The following CSMD1 variants were observed in gnomAD, a reference collection of about 807,000 sequenced individuals.
The protein encoded by CSMD1 is CUB and sushi domain-containing protein 1.
A neutral mutation model predicts 417.5 loss-of-function variants in CSMD1; 213 were observed. The ratio of observed to expected loss-of-function variants is 0.51; its 90% confidence interval spans 0.46 to 0.57. The LOEUF is 0.57. CSMD1 is among the 20% of genes least tolerant of loss of function. The probability of loss-of-function intolerance (pLI) is 0.00; values close to 1 mark genes in which losing one functional copy is unlikely to be tolerated. For missense variants in CSMD1, 6,923 were observed against 4,529.7 expected (o/e 1.53, Z -15.17); for synonymous variants, 2,862 against 1,736.8 (o/e 1.65, Z -16.11).
intron 5 of CSMD1, among the ~76,000 whole-genome samples, chr8:3,763,867 T>C (rs779879389): frequency 1.4e-4 from 21 of 152,146 alleles, no homozygotes; most frequent in Non-Finnish European, 2.2e-4. Flanking sequence ...TCCAAAGCCT[T>C]AGACCTCAGC....
chr8:3,209,752 T>C (rs930691929), intron 30 of CSMD1, among the ~76,000 whole-genome samples: 1 of 152,236 alleles, frequency 6.6e-6, no homozygotes, highest in Non-Finnish European at 1.5e-5. Flanking sequence ...TGTTATTTGG[T>C]AATTAACATA....
At position 2,951,287 on chromosome 8, in the gene CSMD1, G is replaced by C. The variant is rs1054041236; in HGVS notation, c.10040-12C>G. On this transcript the variant is annotated splice_polypyrimidine_tract_variant and intron_variant, in intron 65 of 69. Transcript: ENST00000635120. ...GACATCTGAAGGAACTGTGGGAAGG[G>C]GGGAAACAGACCAATGTCAGCACAC... 5.0e-6 allele frequency: 8 copies of C among 1,593,912 alleles called. No homozygotes were observed. In the African/African-American group the frequency reaches 8.1e-5, roughly 16 times the overall value.
chr8:4,681,335 G>A (rs1040849928), intron 1 of CSMD1, among the ~76,000 whole-genome samples: 2 of 152,072 alleles, frequency 1.3e-5, no homozygotes, highest in Non-Finnish European at 2.9e-5. Context: ...TGATATAAGT[G>A]GTGTTGAAAC....
At chr8:3,698,517 G>C (rs1026591027) in intron 7 of CSMD1, among the ~76,000 whole-genome samples, 4 of 152,162 alleles carry the variant, frequency 2.6e-5, no homozygotes, top group African/African-American at 9.7e-5. Context: ...CTAGAAATCT[G>C]GCACACGGAT....
chr8:3,486,158 T>C (rs1002568724), intron 11 of CSMD1, among the ~76,000 whole-genome samples: 14 of 152,234 alleles, frequency 9.2e-5, no homozygotes, highest in African/African-American at 3.4e-4. Flanking sequence ...ATTTTCAAAT[T>C]TGATTCTGAA....
chr8:3,969,706 GGAT>G (rs1202910702), intron 5 of CSMD1, among the ~76,000 whole-genome samples: 1 of 152,166 alleles, frequency 6.6e-6, no homozygotes, highest in African/African-American at 2.4e-5. Context: ...ACACACCAAA[GGAT>G]GATTTTGACA....
At chr8:4,183,158 C>G (rs766923152) in intron 3 of CSMD1, among the ~76,000 whole-genome samples, 1 of 151,858 alleles carries the variant, frequency 6.6e-6, no homozygotes, top group Non-Finnish European at 1.5e-5. Flanking sequence ...TTAATTAATG[C>G]GTAAGTGCAG....
chr8:3,853,008 C>A (rs958551751), intron 5 of CSMD1, among the ~76,000 whole-genome samples: 3 of 152,136 alleles, frequency 2.0e-5, no homozygotes, highest in Non-Finnish European at 4.4e-5. Context: ...GACATCACCT[C>A]GTCCCCAACA....
chr8:3,722,013 G>C (rs1315180846), intron 6 of CSMD1, among the ~76,000 whole-genome samples: 1 of 152,252 alleles, frequency 6.6e-6, no homozygotes, highest in South Asian at 2.1e-4. Context: ...CATGGGTGGA[G>C]TTGGCACAGG....
At chr8:4,932,902 A>C (rs1585356408) in intron 1 of CSMD1, among the ~76,000 whole-genome samples, 1 of 152,356 alleles carries the variant, frequency 6.6e-6, no homozygotes, top group East Asian at 1.9e-4. Context: ...TATGGCTTAA[A>C]ATTGCTGCCT....
At chr8:4,168,206 C>T (rs986195645) in intron 3 of CSMD1, among the ~76,000 whole-genome samples, 10 of 151,122 alleles carry the variant, frequency 6.6e-5, no homozygotes, top group African/African-American at 2.0e-4. Flanking sequence ...TGTATATATA[C>T]ATATACACAC....
At chr8:4,066,261 C>T (rs556290646) in intron 3 of CSMD1, among the ~76,000 whole-genome samples, 2 of 152,202 alleles carry the variant, frequency 1.3e-5, no homozygotes, top group Non-Finnish European at 2.9e-5. Context: ...CACTGCACCT[C>T]TGAGGTATCC....
chr8:4,652,847 T>G (rs1181497482), intron 1 of CSMD1, among the ~76,000 whole-genome samples: 1 of 152,126 alleles, frequency 6.6e-6, no homozygotes, highest in African/African-American at 2.4e-5. Context: ...ACTAGATCCC[T>G]TGCGTGCACC....
At chr8:3,588,357 A>C (rs1800695007) in intron 8 of CSMD1, among the ~76,000 whole-genome samples, 2 of 152,172 alleles carry the variant, frequency 1.3e-5, no homozygotes, top group Non-Finnish European at 2.9e-5. Flanking sequence ...GAAGAAAATA[A>C]ATAAAATGAC....
intron 23 of CSMD1, among the ~76,000 whole-genome samples, chr8:3,308,907 T>C (rs1287145369): frequency 4.6e-5 from 7 of 152,024 alleles, no homozygotes; most frequent in Non-Finnish European, 8.8e-5. Flanking sequence ...GTATTTTTAG[T>C]AGAGACGGGG....
intron 7 of CSMD1, among the ~76,000 whole-genome samples, chr8:3,673,953 A>T (rs1289437730): frequency 1.3e-5 from 2 of 152,128 alleles, no homozygotes; most frequent in Non-Finnish European, 2.9e-5. Flanking sequence ...TCATGTCTCT[A>T]ATCCAAATAC....
intron 1 of CSMD1, among the ~76,000 whole-genome samples, chr8:4,690,516 A>G (rs1302933409): frequency 1.3e-5 from 2 of 152,188 alleles, no homozygotes; most frequent in African/African-American, 2.4e-5. Context: ...TTTGAGTGGT[A>G]TTTCCTGGAA....
chr8:4,964,973 C>G (rs769714186), intron 1 of CSMD1, among the ~76,000 whole-genome samples: 6 of 152,116 alleles, frequency 3.9e-5, no homozygotes, highest in Non-Finnish European at 7.4e-5. Flanking sequence ...CCTATTGATT[C>G]CTTTTGCTTT....
chr8:4,194,439 G>A (rs944310968), intron 3 of CSMD1, among the ~76,000 whole-genome samples: 7 of 152,054 alleles, frequency 4.6e-5, no homozygotes, highest in Admixed American at 1.3e-4. Context: ...AACAATAAAT[G>A]GTGACAAAGG....
Sources: allele counts gnomAD v4.1 joint callset (sites outside exome capture counted in the v4.1 genomes callset), GRCh38; gene constraint gnomAD v4.1.1; transcripts MANE v1.5; gene names NCBI Gene and HGNC (gene_info 2026-07-23, HGNC 2026-07-21).